The following CNTNAP2 variants were observed in gnomAD, a reference collection of about 807,000 sequenced individuals.
CNTNAP2 encodes contactin associated protein 2, also known as contactin-associated protein-like 2.
A neutral mutation model predicts 155.2 loss-of-function variants in CNTNAP2; 98 were observed. The observed-to-expected ratio is 0.63, with a 90% CI of 0.54 to 0.75. The LOEUF is 0.75. Ranked by LOEUF, CNTNAP2 falls within the 30% of genes least tolerant of loss-of-function variation. CNTNAP2 has a pLI of 0.00. For missense variants in CNTNAP2, 1,727 were observed against 1,688.1 expected (o/e 1.02, Z -0.40); for synonymous variants, 651 against 631.2 (o/e 1.03, Z -0.47).
At chr7:147,659,175 A>G (rs76747924) in intron 13 of CNTNAP2, among the ~76,000 whole-genome samples, 90 of 152,350 alleles carry the variant, frequency 5.9e-4, no homozygotes, top group African/African-American at 2.1e-3. Flanking sequence ...TGTGGCCTCT[A>G]TAAAACTAAA....
intron 1 of CNTNAP2, among the ~76,000 whole-genome samples, chr7:146,690,014 ATATC>A (rs1173856880): frequency 6.6e-6 from 1 of 151,648 alleles, no homozygotes; most frequent in Non-Finnish European, 1.5e-5. Flanking sequence ...AAATTTATAT[ATATC>A]TATTTAAATC....
rs187719164 is a variant in CNTNAP2, at chr7:146,846,194, A to G, written c.402+6290A>G. On this transcript the variant is annotated intron_variant, in intron 3 of 23. Coordinates refer to ENST00000361727, the MANE Select transcript of CNTNAP2 (RefSeq NM_014141.6). ...GACATGAATGTGATTCTTTTCCCCA[A>G]AAGATGAGTATTACCCTTGCTTCTT... 3.9e-5 allele frequency among the ~76,000 whole-genome samples: 6 copies of G among 152,242 alleles called. No homozygotes were observed. The East Asian group carries it at 9.7e-4, about 25-fold the overall frequency.
intron 1 of CNTNAP2, among the ~76,000 whole-genome samples, chr7:146,349,238 G>T (rs934656771): frequency 2.0e-5 from 3 of 150,666 alleles, no homozygotes; most frequent in Non-Finnish European, 4.4e-5. Flanking sequence ...TTCATGGTAG[G>T]ATGTGGGTGG....
intron 13 of CNTNAP2, among the ~76,000 whole-genome samples, chr7:147,657,183 G>A (rs1795538125): frequency 6.6e-6 from 1 of 152,158 alleles, no homozygotes; most frequent in Admixed American, 6.6e-5. Flanking sequence ...TATGCTATAG[G>A]TGTTTGCTAT....
intron 1 of CNTNAP2, among the ~76,000 whole-genome samples, chr7:146,336,949 G>A (rs1159155729): frequency 6.6e-6 from 1 of 152,204 alleles, no homozygotes; most frequent in African/African-American, 2.4e-5. Flanking sequence ...AGTGCAGGGA[G>A]AGGATGGGTC....
At chr7:147,421,989 C>A (rs77971689) in intron 10 of CNTNAP2, among the ~76,000 whole-genome samples, 2,506 of 151,736 alleles carry the variant, frequency 0.017, 72 homozygotes, top group African/African-American at 0.058. Flanking sequence ...AGCCTATAGA[C>A]CGTGAGCCAA....
chr7:146,306,069 C>T (rs542996997), intron 1 of CNTNAP2, among the ~76,000 whole-genome samples: 60 of 152,050 alleles, frequency 3.9e-4, no homozygotes, highest in Non-Finnish European at 3.1e-4. Flanking sequence ...GGCGATATCA[C>T]CACCAATCCC....
At chr7:147,607,844 T>A (rs1232560881) in intron 12 of CNTNAP2, among the ~76,000 whole-genome samples, 1 of 152,320 alleles carries the variant, frequency 6.6e-6, no homozygotes, top group East Asian at 1.9e-4. Context: ...ATAATAAAAA[T>A]TTTACAAAGT....
intron 2 of CNTNAP2, among the ~76,000 whole-genome samples, chr7:146,837,968 C>A (rs890835984): frequency 6.6e-6 from 1 of 152,184 alleles, no homozygotes; most frequent in Admixed American, 6.5e-5. Flanking sequence ...CAGTCTTGAT[C>A]TAAAAGTGCA....
intron 1 of CNTNAP2, among the ~76,000 whole-genome samples, chr7:146,761,248 G>A (rs142359283): frequency 1.6e-4 from 24 of 151,468 alleles, no homozygotes; most frequent in South Asian, 8.3e-4. Context: ...AAGTTAATAC[G>A]CAGATGAATG....
intron 13 of CNTNAP2, among the ~76,000 whole-genome samples, chr7:147,674,520 A>G (rs941648508): frequency 4.6e-5 from 7 of 152,284 alleles, no homozygotes; most frequent in South Asian, 4.2e-4. Flanking sequence ...TGAGCGTATA[A>G]AAATACAATA....
chr7:147,469,725 A>G (rs181520031), intron 10 of CNTNAP2, among the ~76,000 whole-genome samples: 1 of 151,538 alleles, frequency 6.6e-6, no homozygotes, highest in East Asian at 2.0e-4. Context: ...TCATCGTGTT[A>G]GCCAGGATGA....
Position 147,395,768 on chromosome 7 carries a change from C to T in CNTNAP2, c.1658C>T (p.Ala553Val), listed in dbSNP as rs767828458. ...GCGAATGTCAGCATTGACATGTGTG[C>T]GATCATAGACAGGTAAATGATCTTT... ...SFANVSIDMC[A>V]IIDRCVPNHC... The change falls in exon 10 of 24, where the codon GCG becomes GTG. Residue 553 changes from alanine to valine, a missense_variant. By Grantham distance (64) the Ala-to-Val change is moderately conservative (BLOSUM62 0). Coordinates refer to ENST00000361727, the MANE Select transcript of CNTNAP2 (RefSeq NM_014141.6). The T allele has an allele frequency of 6.8e-6, 11 of 1,612,006 alleles. No homozygotes were observed. Among genetic ancestry groups the T allele is most frequent in the South Asian group, 2.2e-5 (2 of 91,034 alleles).
rs144710820 is a variant in CNTNAP2 at position 146,893,815 on chromosome 7, C to T, written c.402+53911C>T. Among the ~76,000 whole-genome samples the T allele has an allele frequency of 8.3e-3, 1,256 of 152,148 alleles. 11 individuals carry two copies. Among genetic ancestry groups the T allele is most frequent in the African/African-American group, 0.027 (1,111 of 41,506 alleles). On this transcript the variant is annotated intron_variant, in intron 3 of 23. Transcript: ENST00000361727. The stretch of plus-strand genomic sequence containing the variant: ...ATGGGTTGAGGAATAATCCACTAAG[C>T]GCACATCAGTTAACAAATGGGTGAC...
At chr7:147,069,523 C>A (rs1799848426) in intron 4 of CNTNAP2, among the ~76,000 whole-genome samples, 1 of 152,152 alleles carries the variant, frequency 6.6e-6, no homozygotes, top group African/African-American at 2.4e-5. Context: ...CTAATAAATT[C>A]TATTCACGGA....
At chr7:148,311,167 G>A (rs202078400) in intron 21 of CNTNAP2, among the ~76,000 whole-genome samples, 1 of 144,776 alleles carries the variant, frequency 6.9e-6, no homozygotes, top group Non-Finnish European at 1.5e-5. Context: ...TTGCTGATGT[G>A]AAATGTCTGG....
chr7:146,203,836 CA>C (rs1262261576), intron 1 of CNTNAP2, among the ~76,000 whole-genome samples: 1 of 151,924 alleles, frequency 6.6e-6, no homozygotes, highest in Non-Finnish European at 1.5e-5. Context: ...AATCATATGC[CA>C]AAAACTGGGG....
At chr7:147,695,440 T>C (rs138539096) in intron 13 of CNTNAP2, among the ~76,000 whole-genome samples, 2,506 of 152,294 alleles carry the variant, frequency 0.016, 224 homozygotes, top group Admixed American at 0.15. Flanking sequence ...GGTATCGAAG[T>C]TGCCAACTAT....
chr7:146,570,213 ATT>A (rs11312360), intron 1 of CNTNAP2, among the ~76,000 whole-genome samples: 4 of 150,540 alleles, frequency 2.7e-5, no homozygotes, highest in South Asian at 2.1e-4. Context: ...GACACAGCCC[ATT>A]TTTTTTTTTC....
Sources: allele counts gnomAD v4.1 joint callset (sites outside exome capture counted in the v4.1 genomes callset), GRCh38; gene constraint gnomAD v4.1.1; transcripts MANE v1.5; gene names NCBI Gene and HGNC (gene_info 2026-07-23, HGNC 2026-07-21).